Variants in SPATA13 observed in about 807,000 individuals in gnomAD.
SPATA13 encodes the protein spermatogenesis-associated protein 13.
Under a neutral mutation model 104.0 loss-of-function variants are expected in SPATA13, and 50 were observed. The observed-to-expected ratio is 0.48, with a 90% CI of 0.38 to 0.61. The LOEUF is 0.61. SPATA13 is among the 20% of genes least tolerant of loss of function. The pLI is 0.00. For synonymous variants in SPATA13, 606 were observed against 667.5 expected (o/e 0.91, Z 1.42); for missense variants, 1,524 against 1,690.6 (o/e 0.90, Z 1.73).
intron 8 of SPATA13, among the ~76,000 whole-genome samples, chr13:24,290,121 CAGTG>C (rs1362245990): frequency 2.6e-5 from 4 of 152,148 alleles, no homozygotes; most frequent in Non-Finnish European, 5.9e-5. Context: ...GTAAGTCTCA[CAGTG>C]AGGACAGGGG....
intron 12 of SPATA13, among the ~76,000 whole-genome samples, chr13:24,300,915 A>G (rs1163475917): frequency 6.6e-6 from 1 of 152,174 alleles, no homozygotes; most frequent in Non-Finnish European, 1.5e-5. Context: ...TTTAAGTAAG[A>G]AAAAGATGTA....
rs750076701 is a variant in SPATA13 at position 24,222,823 on chromosome 13, T to G, written c.-107T>G. On this transcript the variant is annotated 5_prime_UTR_variant, in exon 2 of 13. Coordinates refer to ENST00000382108, the MANE Select transcript of SPATA13 (RefSeq NM_001166271.3). ...CTGCTTTGTCTTTCACTGCAGCCCGTGGCCACCCAGGAGCCCGATGTGCAA... is the reference window on the plus strand; with the variant it reads ...CTGCTTTGTCTTTCACTGCAGCCCGGGGCCACCCAGGAGCCCGATGTGCAA... The G allele has an allele frequency of 6.6e-7, 1 of 1,518,676 alleles. No homozygotes were observed. Among genetic ancestry groups the G allele is most frequent in the South Asian group, 1.3e-5 (1 of 79,498 alleles). 94.1% of individuals were successfully genotyped at this position (1,518,676 alleles called of 1,614,324 possible).
chr13:24,212,572 A>G (rs981349734), intron 1 of SPATA13, among the ~76,000 whole-genome samples: 6 of 152,302 alleles, frequency 3.9e-5, no homozygotes, highest in African/African-American at 1.2e-4. Flanking sequence ...CCATATCGTT[A>G]AAGTTCTGAC....
At chr13:24,246,408 C>T (rs538129464) in intron 2 of SPATA13, among the ~76,000 whole-genome samples, 2 of 152,206 alleles carry the variant, frequency 1.3e-5, no homozygotes, top group South Asian at 2.1e-4. Context: ...AGGAAAAAAA[C>T]GTTTCCTCTA....
At chr13:24,270,878 A>G in intron 4 of SPATA13, 1 of 1,612,822 alleles carries the variant, frequency 6.2e-7, no homozygotes, top group Non-Finnish European at 8.5e-7. Context: ...GAGGGGAGAT[A>G]GCAAGATTCT....
chr13:24,293,989 G>A (rs1337971520), intron 9 of SPATA13, among the ~76,000 whole-genome samples: 1 of 152,208 alleles, frequency 6.6e-6, no homozygotes, highest in Non-Finnish European at 1.5e-5. Flanking sequence ...TTAGCTGGAT[G>A]GTTGGTCTCC....
At chr13:24,018,221 G>A (rs753528887) in intron 3 of SPATA13, among the ~76,000 whole-genome samples, 14 of 152,160 alleles carry the variant, frequency 9.2e-5, no homozygotes, top group Non-Finnish European at 1.9e-4. Flanking sequence ...AAATGTGCAC[G>A]TGTTCATAAA....
Position 24,190,041 on chromosome 13 carries a change from T to TCA in SPATA13, c.-112+29109_-112+29110insCA, listed in dbSNP as rs1869533732. Among the ~76,000 whole-genome samples the TCA allele has an allele frequency of 2.1e-5, 2 of 94,112 alleles. 1 individual carries two copies. The highest frequency in any genetic ancestry group is 3.5e-5 in the Non-Finnish European group (2 of 57,226). 61.7% of individuals were successfully genotyped at this position (94,112 alleles called of 152,430 possible). A position where few individuals can be genotyped will look rare whatever the true frequency, so the allele number is the denominator to read the frequency against. On this transcript the variant is annotated intron_variant, in intron 1 of 12. Coordinates refer to ENST00000382108, the MANE Select transcript of SPATA13 (RefSeq NM_001166271.3). ...ATAACATAATGATATACAATATATA[T>TCA]TATTATATAACATATAATGATATAC...
In SPATA13 at chr13:24,286,942, A is replaced by G. The variant is rs1875996367; in HGVS notation, c.2659A>G (p.Ile887Val). ...GGTGTACATCAAACACCTCAGGGAC[A>G]TCTGTGAGGTGGGACGCCAGGCTGG... ...ERVYIKHLRD[I>V]CEGYIRQCRK... Residue 887 changes from isoleucine (I) to valine (V), a missense_variant, in exon 7 of 13, where the codon ATC becomes GTC. Physicochemically the swap from Ile to Val is conservative, Grantham distance 29. Coordinates refer to ENST00000382108, the MANE Select transcript of SPATA13 (RefSeq NM_001166271.3). The surrounding 1 kb of genome is among the most constrained non-coding windows in gnomAD (Gnocchi z 4.9). The G allele has an allele frequency of 1.2e-6, 2 of 1,612,914 alleles. No homozygotes were observed. The highest frequency in any genetic ancestry group is 2.2e-5 in the East Asian group (1 of 44,818).
intron 3 of SPATA13, among the ~76,000 whole-genome samples, chr13:24,092,463 C>T (rs75550958): frequency 2.6e-5 from 4 of 152,122 alleles, no homozygotes; most frequent in African/African-American, 9.7e-5. Context: ...ATTTTAGAAG[C>T]AGAAGAGTTA....
At chr13:24,124,333 C>A (rs1467295298) in intron 3 of SPATA13, among the ~76,000 whole-genome samples, 1 of 152,238 alleles carries the variant, frequency 6.6e-6, no homozygotes, top group Admixed American at 6.5e-5. Context: ...AGCCACACTT[C>A]TTTCTCTTAA....
intron 10 of SPATA13, among the ~76,000 whole-genome samples, 177 bp downstream of exon 10, chr13:24,295,045 A>T (rs1392158288): frequency 6.6e-6 from 1 of 152,208 alleles, no homozygotes; most frequent in African/African-American, 2.4e-5. Flanking sequence ...ACAGTCGACT[A>T]CTTTATACCC....
At chr13:24,042,395 C>A (rs146670886) in intron 3 of SPATA13, among the ~76,000 whole-genome samples, 61 of 152,248 alleles carry the variant, frequency 4.0e-4, no homozygotes, top group African/African-American at 1.1e-3. Flanking sequence ...GTGGAAAGAT[C>A]CATAGGCCGC....
chr13:24,128,330 C>A (rs987898059), intron 3 of SPATA13, among the ~76,000 whole-genome samples: 4 of 152,170 alleles, frequency 2.6e-5, no homozygotes, highest in Admixed American at 2.0e-4. Flanking sequence ...CAGGTCTGTC[C>A]TTCTGGAACT....
rs374765155 is a variant in SPATA13, at chr13:24,151,866, A to G, written c.-111-70953A>G. Among the ~76,000 whole-genome samples the G allele has an allele frequency of 4.6e-5, 7 of 152,366 alleles. No individual in the cohort carries two copies. The East Asian group carries it at 9.6e-4, about 21-fold the overall frequency. ...TACCAGCTGCATAGTCTTTAACAGT[A>G]CTAAGCAGTATAGATGCTTGATTAA... On this transcript the variant is annotated intron_variant, in intron 3 of 14. Transcript: ENST00000424834.
At chr13:24,048,503 G>T (rs147690985) in intron 3 of SPATA13, among the ~76,000 whole-genome samples, 24 of 151,720 alleles carry the variant, frequency 1.6e-4, no homozygotes, top group African/African-American at 5.8e-4. Context: ...TCATAATTTC[G>T]TGTAATAATA....
intron 3 of SPATA13, among the ~76,000 whole-genome samples, chr13:24,094,205 A>G (rs1051492404): frequency 6.6e-6 from 1 of 152,218 alleles, no homozygotes; most frequent in African/African-American, 2.4e-5. Context: ...TGGCAGCACA[A>G]AAATGCCTGT....
intron 3 of SPATA13, among the ~76,000 whole-genome samples, chr13:24,141,750 C>A (rs1292934805): frequency 1.3e-5 from 2 of 152,170 alleles, no homozygotes; most frequent in African/African-American, 4.8e-5. Flanking sequence ...AGCTAGGGAG[C>A]CTCCCGTGGC....
chr13:24,086,124 C>T lies in SPATA13; in HGVS notation c.-112+68423C>T, dbSNP rs538182963. 1.4e-4 allele frequency among the ~76,000 whole-genome samples: 22 copies of T among 152,258 alleles called. No individual in the cohort carries two copies. In the East Asian group the frequency reaches 1.5e-3, roughly 11 times the overall value. On this transcript the variant is annotated intron_variant, in intron 3 of 14. Coordinates refer to the SPATA13 transcript ENST00000424834. ...ATGGCAGATAGCCATAAATGCCACC[C>T]GGTGAGTTTGACTTTCCTTATGAAG...
Sources: gnomAD v4.1 joint callset for allele counts (sites outside exome capture counted in the v4.1 genomes callset) on GRCh38, gnomAD v4.1.1 for gene constraint, Gnocchi (gnomAD v3.1) non-coding constraint, MANE v1.5 for transcripts, NCBI Gene and HGNC (gene_info 2026-07-23, HGNC 2026-07-21) for gene names.